Variants in TP53INP1 observed in about 807,000 individuals in gnomAD.
TP53INP1 encodes the protein tumor protein p53 inducible nuclear protein 1, also known as tumor protein p53-inducible nuclear protein 1.
A neutral mutation model predicts 21.0 loss-of-function variants in TP53INP1; 12 were observed. The ratio of observed to expected loss-of-function variants is 0.57; its 90% CI spans 0.37 to 0.93. The LOEUF (loss-of-function observed/expected upper bound fraction) is 0.93, where lower values mean the gene tolerates loss of function less well. Among genes scored for constraint, TP53INP1 ranks in the 40% least tolerant of loss-of-function variants. The pLI is 0.01. For missense variants in TP53INP1, 274 were observed against 294.7 expected (o/e 0.93, Z 0.51); for synonymous variants, 91 against 94.8 (o/e 0.96, Z 0.23).
Position 94,939,889 on chromosome 8 carries a change from A to G in TP53INP1, c.444T>C (p.Thr148=). ...GACTACTTGGGCTATGTAATTCATC[A>G]GTCCCACGGGTGGCCTCACTGAGAC... The part of the protein sequence containing the change: ...CPGLSEATRG[T]DELHSPSSPR... The change falls in exon 3 of 4, where the codon ACT becomes ACC. Residue 148 remains threonine, a synonymous_variant. Transcript: ENST00000342697. 1.2e-6 allele frequency: 2 copies of G among 1,613,822 alleles called. No individual in the cohort carries two copies. The highest frequency in any genetic ancestry group is 1.7e-6 in the Non-Finnish European group (2 of 1,179,790).
At position 94,930,340 on chromosome 8, in the gene TP53INP1, T is replaced by C; in HGVS notation, c.*139A>G. The C allele has an allele frequency of 1.7e-6, 2 of 1,198,488 alleles. No individual in the cohort carries two copies. Among genetic ancestry groups the C allele is most frequent in the Middle Eastern group, 2.0e-4 (1 of 4,930 alleles). The allele number at this position is 1,198,488 out of a possible 1,614,324, so 74.2% of individuals were successfully genotyped here. A position where few individuals can be genotyped will look rare whatever the true frequency, so the allele number is the denominator to read the frequency against. On this transcript the variant is annotated 3_prime_UTR_variant, in exon 4 of 4. Transcript: ENST00000342697. Reference sequence around the variant, plus strand: ...CAGCATATAAATCTGATTTTCAAGATAGTGTCTAAATACACTGATAAAACT... The same window carrying C: ...CAGCATATAAATCTGATTTTCAAGACAGTGTCTAAATACACTGATAAAACT...
In TP53INP1 at chr8:94,933,520, T is replaced by C. The variant is rs1209182709; in HGVS notation, c.474-2792A>G. Among the ~76,000 whole-genome samples, 7 of 152,210 alleles carry C rather than the reference T, an allele frequency of 4.6e-5. No homozygotes were observed. The East Asian group carries it at 1.4e-3, about 29-fold the overall frequency. ...TGGCTCATACCTGTAATCCCAGCAC[T>C]TTGGAAGGCCAAGGCAGGTGGCTCA... On this transcript the variant is annotated intron_variant, in intron 3 of 3. Transcript: ENST00000342697.
At chr8:94,940,345 G>A (rs1821408718) in intron 2 of TP53INP1, 125 bp from the exon 3 acceptor site, 1 of 1,129,084 alleles carries the variant, frequency 8.9e-7, no homozygotes, top group Non-Finnish European at 1.2e-6. Flanking sequence ...AAGAAGAGAT[G>A]ATACTATTAG....
At chr8:94,944,835 C>T (rs9643353) in intron 1 of TP53INP1, among the ~76,000 whole-genome samples, 95,023 of 152,002 alleles carry the variant, frequency 0.63, 30,647 homozygotes, top group East Asian at 0.78. Flanking sequence ...GGGGAGACTG[C>T]GCTGAATCAC....
intron 3 of TP53INP1, among the ~76,000 whole-genome samples, chr8:94,936,353 C>T (rs555119397): frequency 6.6e-6 from 1 of 152,332 alleles, no homozygotes; most frequent in South Asian, 2.1e-4. Flanking sequence ...GGGAGCCTCT[C>T]CCCACCTTGG....
intron 3 of TP53INP1, among the ~76,000 whole-genome samples, chr8:94,936,660 A>T (rs1821004831): frequency 6.6e-6 from 1 of 152,056 alleles, no homozygotes; most frequent in Non-Finnish European, 1.5e-5. Flanking sequence ...TTTTAAAGGG[A>T]TGGCTTCCAT....
intron 2 of TP53INP1, 122 bp from the exon 3 acceptor site, chr8:94,940,342 G>A: frequency 8.6e-7 from 1 of 1,169,068 alleles, no homozygotes; most frequent in Non-Finnish European, 1.2e-6. Flanking sequence ...AAAAAGAAGA[G>A]ATGATACTAT....
At position 94,930,344 on chromosome 8, in the gene TP53INP1, G is replaced by A. The variant is rs770249128; in HGVS notation, c.*135C>T. ...ATATAAATCTGATTTTCAAGATAGT[G>A]TCTAAATACACTGATAAAACTATGT... is the stretch of plus-strand genomic sequence containing the variant. On this transcript the variant is annotated 3_prime_UTR_variant, in exon 4 of 4. Transcript: ENST00000342697. 7.9e-7 allele frequency: 1 copy of A among 1,269,764 alleles called. No individual in the cohort carries two copies. Among genetic ancestry groups the A allele is most frequent in the East Asian group, 2.3e-5 (1 of 42,726 alleles). The allele number at this position is 1,269,764 out of a possible 1,614,324, so 78.7% of individuals were successfully genotyped here. A position where few individuals can be genotyped will look rare whatever the true frequency, so the allele number is the denominator to read the frequency against.
At chr8:94,932,947 T>C (rs1487447137) in intron 3 of TP53INP1, among the ~76,000 whole-genome samples, 2 of 152,238 alleles carry the variant, frequency 1.3e-5, no homozygotes, top group Non-Finnish European at 2.9e-5. Context: ...CCGAGCACAA[T>C]GGCTCATGAC....
intron 1 of TP53INP1, among the ~76,000 whole-genome samples, chr8:94,947,900 T>C (rs1260768884): frequency 6.6e-6 from 1 of 152,236 alleles, no homozygotes; most frequent in Non-Finnish European, 1.5e-5. Context: ...TTACACTGAT[T>C]GCGACTTAAA....
intron 3 of TP53INP1, among the ~76,000 whole-genome samples, chr8:94,931,888 C>G (rs919144136): frequency 6.6e-6 from 1 of 152,110 alleles, no homozygotes; most frequent in African/African-American, 2.4e-5. Flanking sequence ...AAGAGAATCA[C>G]TTGAATCTGG....
At chr8:94,936,623 AG>A (rs1821002943) in intron 3 of TP53INP1, among the ~76,000 whole-genome samples, 1 of 152,154 alleles carries the variant, frequency 6.6e-6, no homozygotes, top group Non-Finnish European at 1.5e-5. Flanking sequence ...GGACATGGTC[AG>A]GCAGAATCAC....
intron 3 of TP53INP1, among the ~76,000 whole-genome samples, chr8:94,932,263 A>G (rs1376160729): frequency 6.6e-6 from 1 of 152,238 alleles, no homozygotes; most frequent in Non-Finnish European, 1.5e-5. Flanking sequence ...TAAAACCTTC[A>G]AAAACAATAC....
At chr8:94,934,412 G>A in intron 3 of TP53INP1, among the ~76,000 whole-genome samples, 1 of 149,852 alleles carries the variant, frequency 6.7e-6, no homozygotes. Context: ...TTGAGACAGA[G>A]CCTTGCTTTG....
intron 3 of TP53INP1, among the ~76,000 whole-genome samples, chr8:94,931,463 A>G (rs1369747269): frequency 6.6e-6 from 1 of 152,160 alleles, no homozygotes; most frequent in Non-Finnish European, 1.5e-5. Flanking sequence ...CTAATCAAGT[A>G]GGATTGCTGT....
intron 2 of TP53INP1, among the ~76,000 whole-genome samples, 200 bp from the exon 3 acceptor site, chr8:94,940,420 AAATTT>A (rs1296092583): frequency 1.3e-5 from 2 of 149,722 alleles, no homozygotes; most frequent in African/African-American, 2.5e-5. Flanking sequence ...ATATGACTAT[AAATTT>A]ATTTCTGAGC....
intron 1 of TP53INP1, among the ~76,000 whole-genome samples, chr8:94,943,752 T>G (rs1333544707): frequency 1.3e-5 from 2 of 152,338 alleles, no homozygotes; most frequent in East Asian, 3.9e-4. Flanking sequence ...TAAATAACAT[T>G]AGAACACTTT....
At chr8:94,947,244 CA>C (rs1822097969) in intron 1 of TP53INP1, among the ~76,000 whole-genome samples, 1 of 149,332 alleles carries the variant, frequency 6.7e-6, no homozygotes, top group African/African-American at 2.5e-5. Context: ...CAGCCCTTTT[CA>C]GTTAGTTTCA....
At chr8:94,934,871 G>A (rs1194469879) in intron 3 of TP53INP1, among the ~76,000 whole-genome samples, 6 of 152,160 alleles carry the variant, frequency 3.9e-5, no homozygotes. Context: ...TAAAGTGCCA[G>A]TTAAAGTAAC....
Sources: gnomAD v4.1 joint callset for allele counts (sites outside exome capture counted in the v4.1 genomes callset) on GRCh38, gnomAD v4.1.1 for gene constraint, MANE v1.5 for transcripts, NCBI Gene and HGNC (gene_info 2026-07-23, HGNC 2026-07-21) for gene names.